HLA-DRB5: variants seen among roughly 807,000 people sequenced by gnomAD.
HLA-DRB5 encodes major histocompatibility complex, class II, DR beta 5, also known as DR beta-5.
HLA-DRB5 carries 11 observed loss-of-function variants against 22.4 expected under a neutral mutation model. The ratio of observed to expected loss-of-function variants is 0.49; its 90% CI spans 0.31 to 0.81. The LOEUF (loss-of-function observed/expected upper bound fraction) is 0.81. Among genes scored for constraint, HLA-DRB5 ranks in the 40% least tolerant of loss-of-function variants. The probability of loss-of-function intolerance (pLI) is 0.05; values close to 1 mark genes in which losing one functional copy is unlikely to be tolerated. For missense variants in HLA-DRB5, 106 were observed against 274.4 expected (o/e 0.39, Z 4.34); for synonymous variants, 57 against 106.0 (o/e 0.54, Z 2.84).
chr6:32,522,956 A>G (rs1769127110), intron 1 of HLA-DRB5, among the ~76,000 whole-genome samples: 1 of 124,838 alleles, frequency 8.0e-6, no homozygotes, highest in African/African-American at 3.0e-5. Context: ...CAAAAGCTTG[A>G]ATTGATGAAC....
rs190778664 is a variant in HLA-DRB5 at position 32,522,416 on chromosome 6, G to T, written c.101-242C>A. Among the ~76,000 whole-genome samples the T allele has an allele frequency of 4.7e-5, 2 of 42,494 alleles. 1 individual carries two copies. 27.9% of individuals were successfully genotyped at this position (42,494 alleles called of 152,430 possible). A position where few individuals can be genotyped will look rare whatever the true frequency, so the allele number is the denominator to read the frequency against. ...CCAAGGCTTTTGGGACCCCCTCCCC[G>T]CCTCCAGCCTATTCTGGAGACCTCC... On this transcript the variant is annotated intron_variant, in intron 1 of 5. Coordinates refer to ENST00000374975, the MANE Select transcript of HLA-DRB5 (RefSeq NM_002125.4).
At chr6:32,524,512 C>T (rs78575018) in intron 1 of HLA-DRB5, among the ~76,000 whole-genome samples, 5,620 of 71,116 alleles carry the variant, frequency 0.079, 245 homozygotes, top group East Asian at 0.11. Flanking sequence ...TAGTCAAGTC[C>T]CCTCAGAAAG....
intron 1 of HLA-DRB5, among the ~76,000 whole-genome samples, chr6:32,525,657 G>C (rs142988314): frequency 0.14 from 8,197 of 57,894 alleles, 22 homozygotes; most frequent in Middle Eastern, 0.26. Flanking sequence ...CACCAAATTT[G>C]TGATACTGGG....
chr6:32,519,149 C>G (rs76753104), intron 3 of HLA-DRB5, among the ~76,000 whole-genome samples: 15,508 of 53,476 alleles, frequency 0.29, 670 homozygotes, highest in Middle Eastern at 0.36. Context: ...AGGTTCAAAA[C>G]AGGGACAGCC....
At chr6:32,521,176 G>T (rs112916088) in intron 2 of HLA-DRB5, among the ~76,000 whole-genome samples, 13,194 of 38,330 alleles carry the variant, frequency 0.34, 3,730 homozygotes, top group Middle Eastern at 0.47. Flanking sequence ...AAGAATAATA[G>T]GTAAGTAGTA....
chr6:32,522,381 C>A (rs146344255), intron 1 of HLA-DRB5, among the ~76,000 whole-genome samples: 1 of 28,502 alleles, frequency 3.5e-5, no homozygotes, highest in East Asian at 8.7e-4. Context: ...CAGGAAAACC[C>A]CTTCTGATCC....
chr6:32,526,218 G>C (rs193031251), intron 1 of HLA-DRB5, among the ~76,000 whole-genome samples: 11,903 of 30,616 alleles, frequency 0.39, 4,077 homozygotes, highest in Middle Eastern at 0.65. Context: ...AATCCCAGCC[G>C]TTGCTTCTCT....
intron 1 of HLA-DRB5, among the ~76,000 whole-genome samples, chr6:32,523,906 G>GCA (rs1554267104): frequency 1.2e-5 from 1 of 82,936 alleles, no homozygotes; most frequent in Non-Finnish European, 2.6e-5. Flanking sequence ...TGTTGGTAAA[G>GCA]GAGGCTGTTC....
At chr6:32,528,354 C>T (rs891027061) in intron 1 of HLA-DRB5, among the ~76,000 whole-genome samples, 1 of 123,774 alleles carries the variant, frequency 8.1e-6, no homozygotes, top group African/African-American at 3.0e-5. Flanking sequence ...GGGACCCTCT[C>T]TATCTTACTC....
intron 1 of HLA-DRB5, among the ~76,000 whole-genome samples, chr6:32,528,956 T>C (rs79402743): frequency 0.35 from 37,697 of 108,906 alleles, 2,218 homozygotes; most frequent in Middle Eastern, 0.42. Context: ...AAGAAAAAAA[T>C]TATCTCTTTC....
At chr6:32,525,653 A>C (rs1207904342) in intron 1 of HLA-DRB5, among the ~76,000 whole-genome samples, 1 of 85,874 alleles carries the variant, frequency 1.2e-5, no homozygotes, top group Non-Finnish European at 2.4e-5. Context: ...CTAGCACCAA[A>C]TTTGTGATAC....
At chr6:32,528,202 A>AG (rs1769852974) in intron 1 of HLA-DRB5, among the ~76,000 whole-genome samples, 1 of 92,234 alleles carries the variant, frequency 1.1e-5, no homozygotes, top group Non-Finnish European at 2.2e-5. Flanking sequence ...ATATGAACTA[A>AG]AGTAGGTGAA....
intron 1 of HLA-DRB5, among the ~76,000 whole-genome samples, chr6:32,526,490 C>T (rs111968371): frequency 0.17 from 6,914 of 40,048 alleles, 2,275 homozygotes; most frequent in East Asian, 0.23. Context: ...ACATAAATAC[C>T]TCCAGCCCTG....
intron 1 of HLA-DRB5, among the ~76,000 whole-genome samples, chr6:32,524,923 A>T (rs1449141692): frequency 3.6e-4 from 14 of 38,714 alleles, no homozygotes; most frequent in East Asian, 6.8e-4. Context: ...TGACAACCCT[A>T]GCCAGACTTG....
In HLA-DRB5 at chr6:32,530,219, C is replaced by T. The variant is rs569845377; in HGVS notation, c.6G>A (p.Val2=). M[V]CLKLPGGSYM... ...AGGAACCTCCAGGGAGCTTCAGACA[C>T]ACCATGCTGGAGAACAGGACAGGAC... The change falls in exon 1 of 6, where the codon GTG becomes GTA. Residue 2 remains valine (V), a synonymous_variant. Transcript: ENST00000374975. 6.7e-7 allele frequency: 1 copy of T among 1,489,638 alleles called. No individual in the cohort carries two copies. Among genetic ancestry groups the T allele is most frequent in the South Asian group, 1.2e-5 (1 of 85,934 alleles). 92.3% of individuals were successfully genotyped at this position (1,489,638 alleles called of 1,614,324 possible).
At position 32,525,039 on chromosome 6, in the gene HLA-DRB5, TGAAA is replaced by T. The variant is rs1769436047; in HGVS notation, c.101-2869_101-2866del. 9.8e-5 allele frequency among the ~76,000 whole-genome samples: 4 copies of T among 41,016 alleles called. 1 individual carries two copies. In the South Asian group the frequency reaches 2.4e-3, roughly 25 times the overall value. 26.9% of individuals were successfully genotyped at this position (41,016 alleles called of 152,430 possible). On this transcript the variant is annotated intron_variant, in intron 1 of 5. Transcript: ENST00000374975. Reference sequence around the variant, plus strand: ...TTTAAAATGATAAATGCAAAATGAATGAAAGTTTCTTTTATACATTGGAACTAGA... The same window carrying T: ...TTTAAAATGATAAATGCAAAATGAATGTTTCTTTTATACATTGGAACTAGA...
chr6:32,526,521 T>TC, intron 1 of HLA-DRB5, among the ~76,000 whole-genome samples: 1 of 18,840 alleles, frequency 5.3e-5, no homozygotes, highest in East Asian at 1.4e-3. Flanking sequence ...GAGTCTCTTT[T>TC]TTTTTTTTTT....
chr6:32,518,768 T>C (rs111501833), intron 3 of HLA-DRB5, 102 bp from the exon 4 acceptor site: 124,323 of 292,966 alleles, frequency 0.42, 39,448 homozygotes, highest in Admixed American at 0.51. Context: ...AGAAGGCTGC[T>C]CTGTAAGAAC....
chr6:32,521,341 G>A (rs34265294), intron 2 of HLA-DRB5, among the ~76,000 whole-genome samples: 55,154 of 116,344 alleles, frequency 0.47, 14,815 homozygotes, highest in Middle Eastern at 0.61. Context: ...AGCTTCAGAA[G>A]TGCCTCAGAG....
Sources: allele counts gnomAD v4.1 joint callset (sites outside exome capture counted in the v4.1 genomes callset), GRCh38; gene constraint gnomAD v4.1.1; transcripts MANE v1.5; gene names NCBI Gene and HGNC (gene_info 2026-07-23, HGNC 2026-07-21).